The following IMPA2 variants were observed in gnomAD, a reference collection of about 807,000 sequenced individuals.
IMPA2 encodes IMP 2.
A neutral mutation model predicts 35.1 loss-of-function variants in IMPA2; 32 were observed. That is an observed-to-expected ratio of 0.91 (90% confidence interval 0.69 to 1.23). The LOEUF is 1.23. Among genes scored for constraint, IMPA2 ranks in the 50% most tolerant of loss-of-function variants. The pLI is 0.00. For missense variants in IMPA2, 334 were observed against 387.6 expected (o/e 0.86, Z 1.16); for synonymous variants, 135 against 160.6 (o/e 0.84, Z 1.20).
At chr18:12,025,395 C>T (rs1907852670) in intron 5 of IMPA2, among the ~76,000 whole-genome samples, 1 of 152,170 alleles carries the variant, frequency 6.6e-6, no homozygotes, top group South Asian at 2.1e-4. Context: ...CCAAGGGGCA[C>T]GATTGCTGGA....
chr18:12,027,580 T>TTTC (rs2143828033), intron 5 of IMPA2, among the ~76,000 whole-genome samples: 1 of 126,902 alleles, frequency 7.9e-6, no homozygotes, highest in African/African-American at 2.6e-5. Flanking sequence ...TTTTTTTTTT[T>TTTC]TTTTTTTTTT....
At chr18:12,013,064 G>A (rs1907477101) in intron 4 of IMPA2, among the ~76,000 whole-genome samples, 1 of 152,232 alleles carries the variant, frequency 6.6e-6, no homozygotes, top group Admixed American at 6.5e-5. Flanking sequence ...CAGAGTGGGT[G>A]GGAGGCTGAG....
At chr18:11,997,203 G>A (rs1309924856) in intron 1 of IMPA2, among the ~76,000 whole-genome samples, 1 of 152,268 alleles carries the variant, frequency 6.6e-6, no homozygotes, top group East Asian at 1.9e-4. Flanking sequence ...TGCTACGGGA[G>A]CCACATGTGA....
At position 11,991,919 on chromosome 18, in the gene IMPA2, C is replaced by G. The variant is rs1022795377; in HGVS notation, c.97-7135C>G. ...AGTGCAGTGGCGTAATCTTGGCTCA[C>G]CGCAACCTCCACCTCCTGGGCTCAC... On this transcript the variant is annotated intron_variant, in intron 1 of 7. Coordinates refer to ENST00000269159, the MANE Select transcript of IMPA2 (RefSeq NM_014214.3). The surrounding 1 kb of genome is among the most constrained non-coding windows in gnomAD (Gnocchi z 4.1). 3.3e-5 allele frequency among the ~76,000 whole-genome samples: 5 copies of G among 151,804 alleles called. No individual in the cohort carries two copies. Among genetic ancestry groups the G allele is most frequent in the Admixed American group, 6.6e-5 (1 of 15,234 alleles).
chr18:12,023,775 G>A (rs1299961253), intron 5 of IMPA2, among the ~76,000 whole-genome samples: 1 of 152,138 alleles, frequency 6.6e-6, no homozygotes, highest in Non-Finnish European at 1.5e-5. Flanking sequence ...GGATTTCACT[G>A]TCCTGATTTT....
intron 7 of IMPA2, among the ~76,000 whole-genome samples, chr18:12,029,881 G>A (rs1907998304): frequency 6.6e-6 from 1 of 152,224 alleles, no homozygotes; most frequent in Non-Finnish European, 1.5e-5. Context: ...TTCTTCGAGT[G>A]TGGGTCCCGC....
At chr18:12,008,327 C>T (rs1477608921) in intron 2 of IMPA2, 1 of 518,716 alleles carries the variant, frequency 1.9e-6, no homozygotes, top group Non-Finnish European at 3.8e-6. Context: ...TTCTTACTCT[C>T]TGCAGGTCTC....
At chr18:11,982,211 C>T (rs45549538) in intron 1 of IMPA2, among the ~76,000 whole-genome samples, 8,953 of 152,220 alleles carry the variant, frequency 0.059, 420 homozygotes, top group Admixed American at 0.15. Context: ...CTTACTCTGA[C>T]CCACACCCTG....
chr18:12,011,123 C>T (rs1245069662), intron 3 of IMPA2, among the ~76,000 whole-genome samples: 2 of 152,228 alleles, frequency 1.3e-5, no homozygotes, highest in African/African-American at 4.8e-5. Flanking sequence ...GGCCACACGT[C>T]CATTCGAGGG....
At chr18:12,011,120 C>T (rs1054728245) in intron 3 of IMPA2, among the ~76,000 whole-genome samples, 2 of 152,206 alleles carry the variant, frequency 1.3e-5, no homozygotes, top group Non-Finnish European at 2.9e-5. Flanking sequence ...GAAGGCCACA[C>T]GTCCATTCGA....
rs938777227 is a variant in IMPA2, at chr18:11,988,063, T to A, written c.96+6298T>A. On this transcript the variant is annotated intron_variant, in intron 1 of 7. Transcript: ENST00000269159. The stretch of plus-strand genomic sequence containing the variant: ...CTCTGTCGCCCAGGCTGGAGTGCAG[T>A]GGTGCGATCTCAGCTCACTGCAACC... Among the ~76,000 whole-genome samples, 6 of 135,778 alleles carry A rather than the reference T, an allele frequency of 4.4e-5. No individual in the cohort carries two copies. The East Asian group carries it at 1.4e-3, about 31-fold the overall frequency. The allele number at this position is 135,778 out of a possible 152,430, so 89.1% of individuals were successfully genotyped here.
intron 2 of IMPA2, among the ~76,000 whole-genome samples, chr18:12,001,794 A>G (rs915078579): frequency 6.6e-6 from 1 of 152,172 alleles, no homozygotes; most frequent in Non-Finnish European, 1.5e-5. Context: ...ACCAGCCTCC[A>G]TCTCTGAAAA....
intron 2 of IMPA2, 23 bp downstream of exon 2, chr18:11,999,210 C>T: frequency 6.2e-7 from 1 of 1,607,758 alleles, no homozygotes; most frequent in Non-Finnish European, 8.5e-7. Flanking sequence ...CTCTGGGAAA[C>T]ACCCCCAGTA....
At chr18:12,017,127 G>A (rs1299568059) in intron 5 of IMPA2, among the ~76,000 whole-genome samples, 1 of 152,166 alleles carries the variant, frequency 6.6e-6, no homozygotes, top group Non-Finnish European at 1.5e-5. Context: ...CTGGATAGAG[G>A]TAAAGGATTA....
chr18:12,010,058 A>T lies in IMPA2; in HGVS notation c.335+71A>T. 2.5e-6 allele frequency: 3 copies of T among 1,201,724 alleles called. No individual in the cohort carries two copies. The highest frequency in any genetic ancestry group is 3.7e-6 in the Non-Finnish European group (3 of 815,332). The allele number at this position is 1,201,724 out of a possible 1,614,324, so 74.4% of individuals were successfully genotyped here. A position where few individuals can be genotyped will look rare whatever the true frequency, so the allele number is the denominator to read the frequency against. ...TCTTCTGTGAGGTTTTGTCTTTTCA[A>T]AAGCAGCATTTTTTAAGGCAGGAAT... is the stretch of plus-strand genomic sequence containing the variant. On this transcript the variant is annotated intron_variant, in intron 3 of 7. Coordinates refer to ENST00000269159, the MANE Select transcript of IMPA2 (RefSeq NM_014214.3). The surrounding 1 kb of genome is among the most constrained non-coding windows in gnomAD (Gnocchi z 4.8).
intron 2 of IMPA2, among the ~76,000 whole-genome samples, chr18:12,007,105 G>C (rs1303856669): frequency 6.8e-6 from 1 of 146,334 alleles, no homozygotes; most frequent in South Asian, 2.1e-4. Context: ...ACTCCAGCCT[G>C]GGCGACAGGG....
chr18:12,012,171 T>C lies in IMPA2; in HGVS notation c.337T>C (p.Phe113Leu). The C allele has an allele frequency of 6.2e-7, 1 of 1,614,206 alleles. No homozygotes were observed. Among genetic ancestry groups the C allele is most frequent in the Non-Finnish European group, 8.5e-7 (1 of 1,179,996 alleles). ...IDGTCNFVHR[F>L]PTVAVSIGFA... ...AAACCTTTCTATTTTCCTTTGCAGA[T>C]TCCCGACTGTGGCGGTTAGCATTGG... The change falls in exon 4 of 8, where the codon TTC becomes CTC. Residue 113 changes from phenylalanine (F) to leucine (L), a missense_variant and splice_region_variant. Transcript: ENST00000269159.
chr18:12,017,659 G>A, intron 5 of IMPA2: 1 of 405,616 alleles, frequency 2.5e-6, no homozygotes. Flanking sequence ...TGCAGTCTTG[G>A]CTCACTGCAG....
chr18:12,027,505 C>T (rs1907912269), intron 5 of IMPA2, among the ~76,000 whole-genome samples: 1 of 151,280 alleles, frequency 6.6e-6, no homozygotes, highest in Admixed American at 6.6e-5. Flanking sequence ...TTTTTTCCCT[C>T]CAAACATTGA....
Sources: gnomAD v4.1 joint callset for allele counts (sites outside exome capture counted in the v4.1 genomes callset) on GRCh38, gnomAD v4.1.1 for gene constraint, Gnocchi (gnomAD v3.1) non-coding constraint, MANE v1.5 for transcripts, NCBI Gene and HGNC (gene_info 2026-07-23, HGNC 2026-07-21) for gene names.